The following IDO2 variants were observed in gnomAD, a reference collection of about 807,000 sequenced individuals.
IDO2 encodes indoleamine 2,3-dioxygenase-like 1 protein.
Under a neutral mutation model 45.1 loss-of-function variants are expected in IDO2, and 46 were observed. The ratio of observed to expected loss-of-function variants is 1.02; its 90% confidence interval spans 0.80 to 1.30. IDO2 has a LOEUF of 1.30. IDO2 is among the 50% of genes most tolerant of loss of function. IDO2 has a pLI of 0.00. For synonymous variants in IDO2, 218 were observed against 184.9 expected, an observed-to-expected ratio of 1.18 and a Z score of -1.45; for missense variants, 544 against 491.8, an observed-to-expected ratio of 1.11 and a Z score of -1.00.
chr8:39,995,179 C>CCTTCTTCTT (rs1293164862), intron 8 of IDO2: 1 of 112,986 alleles, frequency 8.9e-6, no homozygotes, highest in Non-Finnish European at 1.8e-5. Context: ...TCCTCTTCTT[C>CCTTCTTCTT]CTTCTTCTTC....
chr8:39,986,603 G>A (rs1051894158), intron 6 of IDO2: 2 of 152,038 alleles, frequency 1.3e-5, no homozygotes, highest in Admixed American at 1.3e-4. Context: ...CCATTTAAAT[G>A]ACAGCAGATC....
intron 2 of IDO2, among the ~76,000 whole-genome samples, chr8:39,961,931 C>T (rs1808004055): frequency 6.6e-6 from 1 of 152,154 alleles, no homozygotes; most frequent in African/African-American, 2.4e-5. Flanking sequence ...GGGGATAAAT[C>T]AGAGATTGGT....
intron 8 of IDO2, among the ~76,000 whole-genome samples, chr8:39,990,591 C>G (rs1411716803): frequency 6.6e-6 from 1 of 152,204 alleles, no homozygotes; most frequent in Admixed American, 6.6e-5. Flanking sequence ...TTGTGCCACC[C>G]TTTTTATTGA....
In IDO2 at chr8:39,934,832, G is replaced by A. The variant is rs1807520956; in HGVS notation, c.-404G>A. 1.1e-5 allele frequency: 4 copies of A among 350,596 alleles called. No individual in the cohort carries two copies. The highest frequency in any genetic ancestry group is 9.8e-5 in the Admixed American group (2 of 20,352). 21.7% of individuals were successfully genotyped at this position (350,596 alleles called of 1,614,324 possible). ...CCAATGAATGCAAAGGCTGGTGCCT[G>A]GAAATATTGTGACTTTGCCACAGAA... On this transcript the variant is annotated 5_prime_UTR_variant, in exon 1 of 11. An upstream open reading frame in the 5' UTR gains an earlier in-frame stop. Transcript: ENST00000502986.
chr8:40,006,078 C>A (rs1048706309), intron 9 of IDO2, among the ~76,000 whole-genome samples: 3 of 152,182 alleles, frequency 2.0e-5, no homozygotes, highest in Non-Finnish European at 4.4e-5. Context: ...ACTGAACTTG[C>A]CAGCACCTTG....
chr8:39,993,663 A>G (rs2543074), intron 8 of IDO2, among the ~76,000 whole-genome samples: 74,207 of 152,056 alleles, frequency 0.49, 18,501 homozygotes, highest in South Asian at 0.53. Context: ...AATAAATTCT[A>G]TATGATAATA....
intron 8 of IDO2, among the ~76,000 whole-genome samples, chr8:40,000,325 G>A (rs769164510): frequency 2.0e-4 from 30 of 151,768 alleles, no homozygotes; most frequent in Non-Finnish European, 7.4e-5. Context: ...CAGGAGAATC[G>A]CTTGAACCCA....
At chr8:39,988,860 C>T (rs2129594743) in intron 7 of IDO2, among the ~76,000 whole-genome samples, 1 of 152,116 alleles carries the variant, frequency 6.6e-6, no homozygotes, top group Non-Finnish European at 1.5e-5. Flanking sequence ...GTGTTTAGTC[C>T]ATTAGAAGAT....
At chr8:39,995,251 C>CCTTCTCCTTCTTCTTCTTCTTCTTCTT (rs1554548607) in intron 8 of IDO2, 4 of 78,066 alleles carry the variant, frequency 5.1e-5, no homozygotes, top group Admixed American at 1.4e-4. Context: ...TTCTCCTTCT[C>CCTTCTCCTTCTTCTTCTTCTTCTTCTT]CTTCTTCTTC....
chr8:39,943,180 T>C (rs1807673569), intron 1 of IDO2, among the ~76,000 whole-genome samples: 1 of 151,518 alleles, frequency 6.6e-6, no homozygotes, highest in African/African-American at 2.4e-5. Flanking sequence ...CCAGCGTGAC[T>C]AACGTGGGGA....
intron 9 of IDO2, among the ~76,000 whole-genome samples, chr8:40,010,577 T>C (rs947977357): frequency 4.0e-5 from 6 of 151,888 alleles, no homozygotes; most frequent in African/African-American, 1.5e-4. Flanking sequence ...CAATCCAGGG[T>C]GGTGGCTTGT....
At chr8:39,988,970 G>A in intron 7 of IDO2, among the ~76,000 whole-genome samples, 1 of 152,136 alleles carries the variant, frequency 6.6e-6, no homozygotes, top group African/African-American at 2.4e-5. Flanking sequence ...AGAGCTGGGG[G>A]CTCTGTAGAA....
intron 3 of IDO2, among the ~76,000 whole-genome samples, chr8:39,970,673 G>A (rs556431104): frequency 2.0e-5 from 3 of 151,950 alleles, no homozygotes; most frequent in African/African-American, 4.8e-5. Flanking sequence ...TTACAGGCAT[G>A]AGCCACCACG....
At chr8:39,945,442 C>T (rs1312974310) in intron 1 of IDO2, among the ~76,000 whole-genome samples, 1 of 152,186 alleles carries the variant, frequency 6.6e-6, no homozygotes, top group Non-Finnish European at 1.5e-5. Context: ...AGGAAACCCT[C>T]ACTGTGTGTT....
chr8:39,963,869 T>C (rs1808038918), intron 3 of IDO2, among the ~76,000 whole-genome samples, 166 bp downstream of exon 3: 2 of 152,222 alleles, frequency 1.3e-5, no homozygotes, highest in African/African-American at 4.8e-5. Flanking sequence ...GACCCCTTCG[T>C]AATCTGATAC....
rs138625162 is a variant in IDO2 at position 39,997,133 on chromosome 8, A to G, written c.667+7295A>G. On this transcript the variant is annotated intron_variant, in intron 8 of 10. Coordinates refer to ENST00000502986, the Ensembl canonical transcript of IDO2. ...ACAACCAAGACAAATACAAATTCAT[A>G]ATACAAGCAACTTGCATTCAAAATG... Among the ~76,000 whole-genome samples the G allele has an allele frequency of 1.2e-4, 19 of 152,352 alleles. No homozygotes were observed. In the East Asian group the frequency reaches 3.7e-3, roughly 29 times the overall value.
At chr8:39,946,595 A>C (rs1367594087) in intron 1 of IDO2, among the ~76,000 whole-genome samples, 1 of 152,120 alleles carries the variant, frequency 6.6e-6, no homozygotes, top group Admixed American at 6.6e-5. Context: ...CAACAGAGTG[A>C]GAGACTTCAT....
Position 39,985,490 on chromosome 8 carries a change from T to A in IDO2, c.435-18T>A. On this transcript the variant is annotated intron_variant, in intron 5 of 10. Coordinates refer to ENST00000502986, the Ensembl canonical transcript of IDO2. The stretch of plus-strand genomic sequence containing the variant: ...TTTTTTCTCTCTTGGTGGTCATCAA[T>A]AACTGAAATTGGGCTAGATTCCTGG... 1 of 1,559,222 alleles carries A rather than the reference T, an allele frequency of 6.4e-7. No homozygotes were observed. Among genetic ancestry groups the A allele is most frequent in the Non-Finnish European group, 8.7e-7 (1 of 1,149,438 alleles).
At chr8:39,952,380 A>G (rs1447962838) in intron 2 of IDO2, among the ~76,000 whole-genome samples, 1 of 152,200 alleles carries the variant, frequency 6.6e-6, no homozygotes, top group East Asian at 1.9e-4. Context: ...ACTCTTTTAG[A>G]AGTTCCTTCA....
Sources: allele counts gnomAD v4.1 joint callset (sites outside exome capture counted in the v4.1 genomes callset), GRCh38; gene constraint gnomAD v4.1.1; transcripts MANE v1.5; gene names NCBI Gene and HGNC (gene_info 2026-07-23, HGNC 2026-07-21).